HSPA4: variants seen among roughly 807,000 people sequenced by gnomAD.
The protein encoded by HSPA4 is heat shock 70 kDa protein 4.
A neutral mutation model predicts 106.2 loss-of-function variants in HSPA4; 25 were observed. The observed-to-expected ratio is 0.24, with a 90% confidence interval of 0.17 to 0.33. The LOEUF (loss-of-function observed/expected upper bound fraction) is 0.33, where lower values mean the gene tolerates loss of function less well. Ranked by LOEUF, HSPA4 falls within the 10% of genes least tolerant of loss-of-function variation. The probability of loss-of-function intolerance (pLI) is 1.00; values close to 1 mark genes in which losing one functional copy is unlikely to be tolerated. For synonymous variants in HSPA4, 332 were observed against 333.6 expected (o/e 1.00, Z 0.05); for missense variants, 841 against 996.0 (o/e 0.84, Z 2.10).
intron 1 of HSPA4, among the ~76,000 whole-genome samples, chr5:133,053,729 G>A (rs911131894): frequency 1.3e-5 from 2 of 151,482 alleles, no homozygotes; most frequent in African/African-American, 2.4e-5. Context: ...GCATGCTCTC[G>A]GCTCATTGCA....
intron 1 of HSPA4, among the ~76,000 whole-genome samples, chr5:133,053,826 A>C (rs778532185): frequency 6.6e-6 from 1 of 150,830 alleles, no homozygotes; most frequent in Admixed American, 6.6e-5. Flanking sequence ...TGCCCGGCTA[A>C]ATTTTGTATT....
chr5:133,074,239 A>G, intron 6 of HSPA4, 113 bp downstream of exon 6: 2 of 554,348 alleles, frequency 3.6e-6, no homozygotes. Flanking sequence ...CATACCTTAC[A>G]GGGTTATTCA....
At chr5:133,095,386 TA>T (rs1415802952) in intron 13 of HSPA4, among the ~76,000 whole-genome samples, 1 of 152,156 alleles carries the variant, frequency 6.6e-6, no homozygotes, top group East Asian at 1.9e-4. Context: ...GTGGATAAAA[TA>T]TTACTAGGCA....
At chr5:133,080,915 C>T (rs972287392) in intron 7 of HSPA4, among the ~76,000 whole-genome samples, 1 of 152,190 alleles carries the variant, frequency 6.6e-6, no homozygotes, top group African/African-American at 2.4e-5. Flanking sequence ...CAGGGTTGTG[C>T]AACTGTGACC....
chr5:133,078,635 CAA>C (rs57393822), intron 7 of HSPA4, among the ~76,000 whole-genome samples: 2,349 of 79,440 alleles, frequency 0.03, 44 homozygotes, highest in African/African-American at 0.11. Context: ...ACACTGTCTC[CAA>C]AAAAAAAAAA....
intron 1 of HSPA4, among the ~76,000 whole-genome samples, chr5:133,064,412 A>G (rs994534032): frequency 1.3e-5 from 2 of 152,178 alleles, no homozygotes; most frequent in Non-Finnish European, 2.9e-5. Context: ...AGGCTGAGGC[A>G]TGAAAATCAC....
chr5:133,059,603 A>C (rs1385797755), intron 1 of HSPA4, among the ~76,000 whole-genome samples: 1 of 152,194 alleles, frequency 6.6e-6, no homozygotes, highest in African/African-American at 2.4e-5. Context: ...ATAGAGTGAG[A>C]GACCCTGTCT....
At position 133,073,952 on chromosome 5, in the gene HSPA4, C is replaced by T. The variant is rs759192526; in HGVS notation, c.530-41C>T. On this transcript the variant is annotated intron_variant, in intron 5 of 18. Coordinates refer to ENST00000304858, the MANE Select transcript of HSPA4 (RefSeq NM_002154.4). ...TTCCTGCTTAAATGAATTTTATTTACTTAGACGTTATTTTTAATTTTTGTG... is the reference window on the plus strand; with the variant it reads ...TTCCTGCTTAAATGAATTTTATTTATTTAGACGTTATTTTTAATTTTTGTG... 1.1e-5 allele frequency: 16 copies of T among 1,417,246 alleles called. No homozygotes were observed. In the African/African-American group the frequency reaches 1.9e-4, roughly 17 times the overall value. The allele number at this position is 1,417,246 out of a possible 1,614,324, so 87.8% of individuals were successfully genotyped here. A position where few individuals can be genotyped will look rare whatever the true frequency, so the allele number is the denominator to read the frequency against.
chr5:133,098,488 T>G (rs1280339829), intron 15 of HSPA4, among the ~76,000 whole-genome samples: 1 of 151,482 alleles, frequency 6.6e-6, no homozygotes, highest in Non-Finnish European at 1.5e-5. Flanking sequence ...ATTTTTTTTT[T>G]TTTTGTATTT....
At chr5:133,081,857 C>A (rs1030978413) in intron 7 of HSPA4, among the ~76,000 whole-genome samples, 4 of 151,992 alleles carry the variant, frequency 2.6e-5, no homozygotes, top group African/African-American at 9.7e-5. Flanking sequence ...AGAGGGAAAG[C>A]CTCTCAAAAA....
At chr5:133,103,811 G>A (rs72801468) in intron 17 of HSPA4, 54 bp from the exon 18 acceptor site, 214 of 1,453,542 alleles carry the variant, frequency 1.5e-4, no homozygotes, top group Non-Finnish European at 1.8e-4. Flanking sequence ...CAGTAGTTGC[G>A]GGGAGGGAGG....
chr5:133,067,489 G>T lies in HSPA4; in HGVS notation c.238G>T (p.Val80Leu), dbSNP rs146842024. The part of the protein sequence containing the change: ...FHGRAFSDPF[V>L]EAEKSNLAYD... The stretch of plus-strand genomic sequence containing the variant: ...TGGCCGAGCATTCTCTGATCCATTT[G>T]TGGAGGCAGAAAAATCTAACCTTGC... Residue 80 changes from valine (V) to leucine (L), a missense_variant, in exon 3 of 19, where the codon GTG becomes TTG. By Grantham distance (32) the Val-to-Leu change is conservative. This residue lies in a region of HSPA4 where 347 missense variants were observed against 408.7 expected (regional missense o/e 0.85). Coordinates refer to ENST00000304858, the MANE Select transcript of HSPA4 (RefSeq NM_002154.4). 1.3e-4 allele frequency: 213 copies of T among 1,613,726 alleles called. No individual in the cohort carries two copies. Among genetic ancestry groups the T allele is most frequent in the Non-Finnish European group, 1.7e-4 (200 of 1,179,730 alleles).
chr5:133,093,430 TAAAC>T (rs755482548), intron 13 of HSPA4, among the ~76,000 whole-genome samples: 1 of 152,286 alleles, frequency 6.6e-6, no homozygotes, highest in Non-Finnish European at 1.5e-5. Flanking sequence ...TCATTACTGA[TAAAC>T]AATAATGAAA....
At chr5:133,083,608 G>A (rs527625903) in intron 7 of HSPA4, among the ~76,000 whole-genome samples, 2 of 151,960 alleles carry the variant, frequency 1.3e-5, no homozygotes, top group Non-Finnish European at 2.9e-5. Flanking sequence ...CATGATTTCA[G>A]CTCACCTTAA....
intron 11 of HSPA4, among the ~76,000 whole-genome samples, chr5:133,090,127 A>G (rs1310023771): frequency 6.6e-6 from 1 of 152,204 alleles, no homozygotes; most frequent in Non-Finnish European, 1.5e-5. Context: ...ACCCTAACAT[A>G]CAGTTATAAG....
intron 2 of HSPA4, 27 bp from the exon 3 acceptor site, chr5:133,067,390 T>C (rs746826195): frequency 6.3e-7 from 1 of 1,585,552 alleles, no homozygotes; most frequent in Non-Finnish European, 8.6e-7. Flanking sequence ...TAGTAGTCTT[T>C]CCACTCTTTG....
intron 3 of HSPA4, among the ~76,000 whole-genome samples, chr5:133,068,278 A>C (rs1234097927): frequency 6.6e-6 from 1 of 152,182 alleles, no homozygotes; most frequent in Non-Finnish European, 1.5e-5. Flanking sequence ...CTTTTGGGGA[A>C]AAGTGAGTTT....
In HSPA4 at chr5:133,101,883, C is replaced by G; in HGVS notation, c.2157+5C>G. On this transcript the variant is annotated splice_donor_5th_base_variant and intron_variant, in intron 17 of 18. Coordinates refer to ENST00000304858, the MANE Select transcript of HSPA4 (RefSeq NM_002154.4). Reference sequence around the variant, plus strand: ...ATCAGCTCTTTCAAAAACAAGGTAACTTTTTTCTTTGTCCTACTCTTATTT... The same window carrying G: ...ATCAGCTCTTTCAAAAACAAGGTAAGTTTTTTCTTTGTCCTACTCTTATTT... 1 of 1,346,088 alleles carries G rather than the reference C, an allele frequency of 7.4e-7. No homozygotes were observed. Among genetic ancestry groups the G allele is most frequent in the East Asian group, 2.6e-5 (1 of 38,376 alleles). The allele number at this position is 1,346,088 out of a possible 1,614,324, so 83.4% of individuals were successfully genotyped here.
intron 1 of HSPA4, among the ~76,000 whole-genome samples, chr5:133,058,688 A>G (rs963927315): frequency 1.3e-5 from 2 of 151,224 alleles, no homozygotes; most frequent in African/African-American, 2.4e-5. Flanking sequence ...CAAAACCCCA[A>G]AAACAAAACC....
Sources: allele counts gnomAD v4.1 joint callset (sites outside exome capture counted in the v4.1 genomes callset), GRCh38; gene constraint gnomAD v4.1.1; regional missense constraint gnomAD v4.1.1; transcripts MANE v1.5; gene names NCBI Gene and HGNC (gene_info 2026-07-23, HGNC 2026-07-21).